The following ENOX1 variants were observed in gnomAD, a reference collection of about 807,000 sequenced individuals.
ENOX1 encodes the protein ecto-NOX disulfide-thiol exchanger 1, also known as candidate growth-related and time keeping constitutive hydroquinone (NADH) oxidase.
ENOX1 carries 42 observed loss-of-function variants against 82.5 expected under a neutral mutation model. That is an observed-to-expected ratio of 0.51 (90% CI 0.40 to 0.66). ENOX1 has a LOEUF of 0.66. Ranked by LOEUF, ENOX1 falls within the 30% of genes least tolerant of loss-of-function variation. The pLI is 0.00. For missense variants in ENOX1, 608 were observed against 811.6 expected (o/e 0.75, Z 3.05); for synonymous variants, 271 against 282.2 (o/e 0.96, Z 0.40).
At chr13:43,220,151 A>C (rs1275058635) in intron 16 of ENOX1, among the ~76,000 whole-genome samples, 2 of 152,156 alleles carry the variant, frequency 1.3e-5, no homozygotes, top group African/African-American at 4.8e-5. Flanking sequence ...GTGAAGCAAG[A>C]AACTGGTAGA....
intron 2 of ENOX1, among the ~76,000 whole-genome samples, chr13:43,487,000 C>T (rs1489755532): frequency 6.6e-6 from 1 of 152,086 alleles, no homozygotes; most frequent in Non-Finnish European, 1.5e-5. Context: ...TGATGAAACC[C>T]CGTCTCTACT....
chr13:43,691,910 C>G (rs1304212507), intron 1 of ENOX1, among the ~76,000 whole-genome samples: 1 of 152,060 alleles, frequency 6.6e-6, no homozygotes, highest in African/African-American at 2.4e-5. Context: ...CCGTGTTAGG[C>G]AGGATGGTCT....
chr13:43,269,880 A>G (rs2044588842), intron 12 of ENOX1, among the ~76,000 whole-genome samples: 1 of 152,246 alleles, frequency 6.6e-6, no homozygotes, highest in Admixed American at 6.5e-5. Context: ...AATACATTAC[A>G]TTCATAGATG....
At chr13:43,373,214 A>G (rs537455595) in intron 5 of ENOX1, among the ~76,000 whole-genome samples, 1 of 148,920 alleles carries the variant, frequency 6.7e-6, no homozygotes, top group African/African-American at 2.5e-5. Flanking sequence ...TTTTAAGTTC[A>G]TGTTTTATTA....
At chr13:43,315,356 G>A (rs951161596) in intron 11 of ENOX1, among the ~76,000 whole-genome samples, 7 of 152,148 alleles carry the variant, frequency 4.6e-5, no homozygotes, top group Admixed American at 3.9e-4. Context: ...AAAATTCATC[G>A]ATGTTGTAAA....
intron 1 of ENOX1, among the ~76,000 whole-genome samples, chr13:43,742,081 C>A (rs1325076434): frequency 6.6e-6 from 1 of 151,890 alleles, no homozygotes; most frequent in Admixed American, 6.6e-5. Context: ...TAAGAATAGA[C>A]AAAATGGGCA....
intron 2 of ENOX1, among the ~76,000 whole-genome samples, chr13:43,542,148 C>CT (rs1236948132): frequency 3.3e-5 from 5 of 151,836 alleles, no homozygotes; most frequent in Non-Finnish European, 5.9e-5. Flanking sequence ...TCTTTTTTTT[C>CT]TTTTTTTCCG....
chr13:43,657,931 A>G (rs1468910462), intron 2 of ENOX1, among the ~76,000 whole-genome samples: 1 of 152,244 alleles, frequency 6.6e-6, no homozygotes. Context: ...TCTAGCAAAG[A>G]AAAAAGCTAA....
chr13:43,529,182 C>G (rs2078106037), intron 2 of ENOX1, among the ~76,000 whole-genome samples: 1 of 151,980 alleles, frequency 6.6e-6, no homozygotes, highest in South Asian at 2.1e-4. Flanking sequence ...TTCTGAGTAG[C>G]ATGATGAAAT....
At chr13:43,438,002 A>G (rs1299441021) in intron 3 of ENOX1, among the ~76,000 whole-genome samples, 4 of 152,342 alleles carry the variant, frequency 2.6e-5, no homozygotes, top group South Asian at 4.1e-4. Context: ...TGTTTCAGGC[A>G]TGACAACACT....
rs1341948475 is a variant in ENOX1, at chr13:43,317,490, TG to T, written c.1261+4893del. Among the ~76,000 whole-genome samples the T allele has an allele frequency of 9.9e-5, 15 of 152,174 alleles. No individual in the cohort carries two copies. The East Asian group carries it at 2.9e-3, about 29-fold the overall frequency. On this transcript the variant is annotated intron_variant, in intron 11 of 16. Transcript: ENST00000690772. ...AAATACTTAATCAGAAAAAATAGGT[TG>T]TCCTGCTATTCAAAGAAATCAATGG...
At chr13:43,462,957 G>A (rs756008069) in intron 3 of ENOX1, among the ~76,000 whole-genome samples, 2 of 152,196 alleles carry the variant, frequency 1.3e-5, no homozygotes, top group African/African-American at 4.8e-5. Context: ...TAGTCGTTAC[G>A]TTAAAAATCG....
At chr13:43,531,349 A>C (rs548774067) in intron 2 of ENOX1, among the ~76,000 whole-genome samples, 1 of 152,258 alleles carries the variant, frequency 6.6e-6, no homozygotes, top group East Asian at 1.9e-4. Context: ...GCCATCAGAG[A>C]AATGCAAATC....
chr13:43,233,346 A>T (rs1177100260), intron 15 of ENOX1, among the ~76,000 whole-genome samples: 1 of 152,238 alleles, frequency 6.6e-6, no homozygotes, highest in African/African-American at 2.4e-5. Flanking sequence ...TCAAGAAGAA[A>T]GTCCATCAGA....
intron 1 of ENOX1, among the ~76,000 whole-genome samples, chr13:43,708,942 G>C (rs940793047): frequency 6.6e-6 from 1 of 152,088 alleles, no homozygotes; most frequent in African/African-American, 2.4e-5. Flanking sequence ...GATTCCCAGA[G>C]TGGCTTTAAA....
At chr13:43,289,264 A>T (rs1234651300) in intron 12 of ENOX1, among the ~76,000 whole-genome samples, 2 of 152,194 alleles carry the variant, frequency 1.3e-5, no homozygotes, top group South Asian at 4.1e-4. Context: ...CAACCAAAGC[A>T]ACTCTAAGCC....
At chr13:43,393,987 G>A (rs1343755855) in intron 5 of ENOX1, among the ~76,000 whole-genome samples, 1 of 152,074 alleles carries the variant, frequency 6.6e-6, no homozygotes, top group African/African-American at 2.4e-5. Flanking sequence ...TCTCTCTCTT[G>A]TTCCCTCTCT....
chr13:43,586,908 CAA>C (rs34012725), intron 2 of ENOX1, among the ~76,000 whole-genome samples: 5,247 of 145,776 alleles, frequency 0.036, 289 homozygotes, highest in African/African-American at 0.12. Flanking sequence ...ACTAAAAATA[CAA>C]AAAAAAAAAA....
At chr13:43,378,893 C>T (rs1202735674) in intron 5 of ENOX1, among the ~76,000 whole-genome samples, 1 of 152,080 alleles carries the variant, frequency 6.6e-6, no homozygotes, top group Non-Finnish European at 1.5e-5. Flanking sequence ...AATCAGCTAA[C>T]TTTATGACAG....
Sources: allele counts gnomAD v4.1 joint callset (sites outside exome capture counted in the v4.1 genomes callset), GRCh38; gene constraint gnomAD v4.1.1; transcripts MANE v1.5; gene names NCBI Gene and HGNC (gene_info 2026-07-23, HGNC 2026-07-21).